The following CSMD1 variants were observed in gnomAD, a reference collection of about 807,000 sequenced individuals.
CSMD1 encodes the protein CUB and sushi domain-containing protein 1.
CSMD1 carries 213 observed loss-of-function variants against 417.5 expected under a neutral mutation model. That is an observed-to-expected ratio of 0.51 (90% CI 0.46 to 0.57). The LOEUF (loss-of-function observed/expected upper bound fraction) is 0.57. Among genes scored for constraint, CSMD1 ranks in the 20% least tolerant of loss-of-function variants. The pLI is 0.00. For synonymous variants in CSMD1, 2,862 were observed against 1,736.8 expected (o/e 1.65, Z -16.11); for missense variants, 6,923 against 4,529.7 (o/e 1.53, Z -15.17).
intron 3 of CSMD1, among the ~76,000 whole-genome samples, chr8:4,313,595 A>G (rs966131382): frequency 6.6e-6 from 1 of 152,122 alleles, no homozygotes; most frequent in African/African-American, 2.4e-5. Context: ...TTAACTGTCA[A>G]TGTGGACTGT....
chr8:3,565,610 G>C (rs1799672494), intron 10 of CSMD1, among the ~76,000 whole-genome samples: 1 of 152,086 alleles, frequency 6.6e-6, no homozygotes. Context: ...GTTAATTCAA[G>C]TTCTTTAAAA....
At chr8:3,299,511 G>A (rs1382013826) in intron 25 of CSMD1, among the ~76,000 whole-genome samples, 1 of 152,138 alleles carries the variant, frequency 6.6e-6, no homozygotes, top group East Asian at 1.9e-4. Context: ...ATCAGATACA[G>A]GCACGTGAGG....
In CSMD1 at chr8:4,724,173, C is replaced by T. The variant is rs184262161; in HGVS notation, c.86-86615G>A. Among the ~76,000 whole-genome samples the T allele has an allele frequency of 4.7e-3, 720 of 152,186 alleles. 7 individuals are homozygous for T. The highest frequency in any genetic ancestry group is 0.016 in the African/African-American group (653 of 41,530). On this transcript the variant is annotated intron_variant, in intron 1 of 69. Transcript: ENST00000635120. ...AATAAAACATGGATGTTCCAGAATG[C>T]TTTTCATGAGTTTTATGATAATAAT...
At chr8:4,431,692 C>G (rs1025097737) in intron 2 of CSMD1, among the ~76,000 whole-genome samples, 1 of 152,094 alleles carries the variant, frequency 6.6e-6, no homozygotes, top group Non-Finnish European at 1.5e-5. Flanking sequence ...CAAAAGAATC[C>G]TAAATCCTGA....
At chr8:3,650,790 C>T (rs547890579) in intron 7 of CSMD1, among the ~76,000 whole-genome samples, 1 of 152,208 alleles carries the variant, frequency 6.6e-6, no homozygotes, top group South Asian at 2.1e-4. Context: ...AGTTTCCACC[C>T]CTTTTTTCCT....
At chr8:3,131,601 A>G (rs1297022718) in intron 41 of CSMD1, among the ~76,000 whole-genome samples, 1 of 151,380 alleles carries the variant, frequency 6.6e-6, no homozygotes, top group Non-Finnish European at 1.5e-5. Context: ...TCTCTTGAGT[A>G]GCTGGGATTA....
chr8:4,823,817 G>T lies in CSMD1; in HGVS notation c.85+170515C>A, dbSNP rs1799655913. On this transcript the variant is annotated intron_variant, in intron 1 of 69. Coordinates refer to ENST00000635120, the MANE Select transcript of CSMD1 (RefSeq NM_033225.6). ...TGGAGTGGTGAGTAGGGGAGAAAAA[G>T]AAAGCTCACAGAGGTTGAAGATAAA... is the stretch of plus-strand genomic sequence containing the variant. 2.6e-5 allele frequency among the ~76,000 whole-genome samples: 4 copies of T among 152,052 alleles called. No homozygotes were observed. In the South Asian group the frequency reaches 6.2e-4, roughly 24 times the overall value.
intron 6 of CSMD1, among the ~76,000 whole-genome samples, chr8:3,725,808 G>C (rs1462209380): frequency 1.3e-5 from 2 of 152,146 alleles, no homozygotes; most frequent in African/African-American, 2.4e-5. Flanking sequence ...AATCTTTCAA[G>C]GACTGTGACT....
At chr8:4,787,798 G>T in intron 1 of CSMD1, 2 of 1,573,728 alleles carry the variant, frequency 1.3e-6, no homozygotes, top group Non-Finnish European at 1.7e-6. Flanking sequence ...GACTGAATTG[G>T]ATATCATGAG....
chr8:3,835,289 T>C (rs1487108728), intron 5 of CSMD1, among the ~76,000 whole-genome samples: 1 of 152,056 alleles, frequency 6.6e-6, no homozygotes, highest in Admixed American at 6.5e-5. Flanking sequence ...TGCGGCACTA[T>C]TCACAATAGC....
At chr8:4,269,178 C>T (rs913354455) in intron 3 of CSMD1, among the ~76,000 whole-genome samples, 11 of 151,996 alleles carry the variant, frequency 7.2e-5, no homozygotes, top group African/African-American at 2.4e-4. Flanking sequence ...TGCCTCAGCC[C>T]TCCTAGTAGC....
intron 1 of CSMD1, among the ~76,000 whole-genome samples, chr8:4,963,171 G>C (rs1251010055): frequency 6.6e-5 from 10 of 152,038 alleles, no homozygotes; most frequent in Admixed American, 5.9e-4. Flanking sequence ...TGGTAAATCA[G>C]CTGTAATCCC....
intron 1 of CSMD1, among the ~76,000 whole-genome samples, chr8:4,955,565 C>G (rs552962004): frequency 1.3e-5 from 2 of 152,040 alleles, no homozygotes; most frequent in African/African-American, 4.8e-5. Flanking sequence ...AAGAGACTCT[C>G]CTGCCTCAGC....
intron 52 of CSMD1, among the ~76,000 whole-genome samples, chr8:3,012,904 C>A (rs920137967): frequency 1.3e-5 from 2 of 152,086 alleles, no homozygotes; most frequent in African/African-American, 4.8e-5. Context: ...ATCATGGGGG[C>A]GGGAGTTTCT....
intron 3 of CSMD1, among the ~76,000 whole-genome samples, chr8:4,232,039 C>T (rs1801764389): frequency 6.6e-6 from 1 of 152,142 alleles, no homozygotes; most frequent in East Asian, 1.9e-4. Flanking sequence ...ATATGTTGGC[C>T]TGATACTATG....
At chr8:3,552,068 G>A (rs996878528) in intron 10 of CSMD1, among the ~76,000 whole-genome samples, 4 of 152,170 alleles carry the variant, frequency 2.6e-5, no homozygotes, top group African/African-American at 7.2e-5. Flanking sequence ...TCTGTATTGT[G>A]AAAACAAATG....
rs74698585 is a variant in CSMD1 at position 4,153,107 on chromosome 8, G to A, written c.416-121008C>T. ...TTTCAGATGTGTAATTAATGTAGCC[G>A]TAAAGGAAAATGGCAATGTTGTATT... On this transcript the variant is annotated intron_variant, in intron 3 of 69. Coordinates refer to ENST00000635120, the MANE Select transcript of CSMD1 (RefSeq NM_033225.6). 8.5e-5 allele frequency among the ~76,000 whole-genome samples: 13 copies of A among 152,276 alleles called. No homozygotes were observed. The East Asian group carries it at 1.4e-3, about 16-fold the overall frequency.
At chr8:4,921,844 A>T (rs1347398666) in intron 1 of CSMD1, among the ~76,000 whole-genome samples, 1 of 152,160 alleles carries the variant, frequency 6.6e-6, no homozygotes, top group African/African-American at 2.4e-5. Context: ...AGGGAACGTT[A>T]CTCAATCTGA....
intron 51 of CSMD1, among the ~76,000 whole-genome samples, chr8:3,028,464 C>T (rs557183460): frequency 1.3e-5 from 2 of 152,280 alleles, no homozygotes; most frequent in African/African-American, 4.8e-5. Context: ...GGAAAACAGG[C>T]TTCAGGCAGG....
Sources: gnomAD v4.1 joint callset for allele counts (sites outside exome capture counted in the v4.1 genomes callset) on GRCh38, gnomAD v4.1.1 for gene constraint, MANE v1.5 for transcripts, NCBI Gene and HGNC (gene_info 2026-07-23, HGNC 2026-07-21) for gene names.